The following OTUD4 variants were observed in gnomAD, a reference collection of about 807,000 sequenced individuals.
OTUD4 encodes OTU deubiquitinase 4.
OTUD4 carries 24 observed loss-of-function variants against 130.4 expected under a neutral mutation model. The observed-to-expected ratio is 0.18, with a 90% CI of 0.13 to 0.26. The LOEUF is 0.26. Ranked by LOEUF, OTUD4 falls within the 10% of genes least tolerant of loss-of-function variation. The pLI is 1.00. For missense variants in OTUD4, 1,031 were observed against 1,329.4 expected (o/e 0.78, Z 3.49); for synonymous variants, 420 against 472.5 (o/e 0.89, Z 1.44).
At chr4:145,169,688 T>C (rs1752056081) in intron 3 of OTUD4, among the ~76,000 whole-genome samples, 1 of 152,184 alleles carries the variant, frequency 6.6e-6, no homozygotes, top group African/African-American at 2.4e-5. Context: ...GGTTTCACCA[T>C]CTTGAACTCC....
At chr4:145,166,787 C>CT in intron 3 of OTUD4, among the ~76,000 whole-genome samples, 1 of 152,010 alleles carries the variant, frequency 6.6e-6, no homozygotes, top group East Asian at 1.9e-4. Context: ...TCGAGTAAGC[C>CT]GAGATCGCGC....
rs1352474457 is a variant in OTUD4 at position 145,180,394 on chromosome 4, G to C, written c.-421C>G. On this transcript the variant is annotated 5_prime_UTR_variant, in exon 1 of 21. Transcript: ENST00000447906. ...GCGCGCACGCTGGGCCGGCTCAGGTGAAGCGGGGCCTGCGCCCCCGCGCAC... is the reference window on the plus strand; with the variant it reads ...GCGCGCACGCTGGGCCGGCTCAGGTCAAGCGGGGCCTGCGCCCCCGCGCAC... 1.3e-5 allele frequency among the ~76,000 whole-genome samples: 2 copies of C among 152,190 alleles called. No individual in the cohort carries two copies. The highest frequency in any genetic ancestry group is 4.8e-5 in the African/African-American group (2 of 41,460).
chr4:145,137,779 T>G lies in OTUD4; in HGVS notation c.2996A>C (p.Lys999Thr), dbSNP rs1436011382. 6.2e-7 allele frequency: 1 copy of G among 1,613,966 alleles called. No individual in the cohort carries two copies. Among genetic ancestry groups the G allele is most frequent in the East Asian group, 2.2e-5 (1 of 44,872 alleles). ...KEKTEKVKDP[K>T]TAADVVSPGA... ...AGGGCTGACCACATCAGCAGCAGTC[T>G]TAGGATCTTTTACTTTTTCTGTTTT... Residue 999 changes from lysine to threonine, a missense_variant, in exon 21 of 21, where the codon AAG becomes ACG. Physicochemically the swap from Lys to Thr is moderately conservative, Grantham distance 78 (BLOSUM62 -1). Coordinates refer to ENST00000447906, the MANE Select transcript of OTUD4 (RefSeq NM_001366057.1).
At chr4:145,178,478 G>A (rs1313275191) in intron 1 of OTUD4, 1 of 152,340 alleles carries the variant, frequency 6.6e-6, no homozygotes, top group Non-Finnish European at 1.5e-5. Context: ...GACAGACAGA[G>A]ATTCAGAAAA....
At chr4:145,147,930 A>G (rs1750898396) in intron 13 of OTUD4, among the ~76,000 whole-genome samples, 1 of 152,222 alleles carries the variant, frequency 6.6e-6, no homozygotes, top group South Asian at 2.1e-4. Flanking sequence ...TAAATATTCA[A>G]TAAAGTTTTT....
In OTUD4 at chr4:145,163,703, C is replaced by CTT. The variant is rs11430342; in HGVS notation, c.414+449_414+450dup. Reference sequence around the variant, plus strand: ...TGACTAAGTGACAATTAATAGGAACCTTTTTTTTTTTTTTTTTTTTAAGAC... The same window carrying CTT: ...TGACTAAGTGACAATTAATAGGAACCTTTTTTTTTTTTTTTTTTTTTTAAGAC... On this transcript the variant is annotated intron_variant, in intron 5 of 20. Transcript: ENST00000447906. Among the ~76,000 whole-genome samples the CTT allele has an allele frequency of 8.8e-3, 1,114 of 126,474 alleles. 15 individuals are homozygous for CTT. Among genetic ancestry groups the CTT allele is most frequent in the African/African-American group, 0.029 (978 of 33,584 alleles). 83.0% of individuals were successfully genotyped at this position (126,474 alleles called of 152,430 possible). A position where few individuals can be genotyped will look rare whatever the true frequency, so the allele number is the denominator to read the frequency against.
intron 2 of OTUD4, among the ~76,000 whole-genome samples, 173 bp from the exon 3 acceptor site, chr4:145,171,893 T>G (rs950963868): frequency 6.6e-6 from 1 of 152,194 alleles, no homozygotes; most frequent in Non-Finnish European, 1.5e-5. Context: ...ATAGCAATCA[T>G]TAAAGACTAT....
chr4:145,162,537 G>T (rs1033793599), intron 6 of OTUD4, 103 bp downstream of exon 6: 20 of 578,358 alleles, frequency 3.5e-5, no homozygotes, highest in South Asian at 2.7e-4. Flanking sequence ...GGGAGACAGA[G>T]CGAGACTCCG....
intron 3 of OTUD4, among the ~76,000 whole-genome samples, chr4:145,165,400 T>C (rs954488276): frequency 2.6e-5 from 4 of 151,580 alleles, no homozygotes; most frequent in East Asian, 1.9e-4. Flanking sequence ...CTCCCACACA[T>C]ACACAAAAAA....
rs148315851 is a variant in OTUD4, at chr4:145,165,960, G to A, written c.295-763C>T. ...GCGGATCACCTGAGGTCGGGAGTTC[G>A]AGACCAGTCTGACCAACATGGAGAA... On this transcript the variant is annotated intron_variant, in intron 3 of 20. Transcript: ENST00000447906. 4.1e-3 allele frequency among the ~76,000 whole-genome samples: 617 copies of A among 151,692 alleles called. 8 individuals are homozygous for A. The highest frequency in any genetic ancestry group is 0.014 in the African/African-American group (569 of 41,422).
chr4:145,179,177 T>TA (rs1018803596), intron 1 of OTUD4, among the ~76,000 whole-genome samples: 1 of 152,186 alleles, frequency 6.6e-6, no homozygotes, highest in Non-Finnish European at 1.5e-5. Context: ...CAGGCTTTTT[T>TA]AAAAAAGTCA....
intron 7 of OTUD4, among the ~76,000 whole-genome samples, chr4:145,157,622 T>G (rs548025344): frequency 1.4e-5 from 2 of 141,414 alleles, no homozygotes; most frequent in African/African-American, 5.3e-5. Context: ...AGGCGGAGGT[T>G]GCAGTGAGCC....
At chr4:145,145,664 C>A (rs956934402) in intron 14 of OTUD4, among the ~76,000 whole-genome samples, 1 of 152,160 alleles carries the variant, frequency 6.6e-6, no homozygotes, top group African/African-American at 2.4e-5. Flanking sequence ...GAATTAGGTA[C>A]CCCTCCTCTG....
At chr4:145,154,119 T>C (rs542126518) in intron 10 of OTUD4, among the ~76,000 whole-genome samples, 28 of 152,346 alleles carry the variant, frequency 1.8e-4, no homozygotes, top group African/African-American at 6.7e-4. Flanking sequence ...AACACGACTT[T>C]AGTGATACAG....
At chr4:145,155,327 C>T in intron 10 of OTUD4, 84 bp downstream of exon 10, 1 of 1,008,016 alleles carries the variant, frequency 9.9e-7, no homozygotes, top group Non-Finnish European at 1.5e-6. Context: ...ACAACACATT[C>T]ACACCTCAGC....
intron 20 of OTUD4, among the ~76,000 whole-genome samples, chr4:145,139,702 A>C (rs1345568009): frequency 6.6e-6 from 1 of 152,250 alleles, no homozygotes; most frequent in Non-Finnish European, 1.5e-5. Flanking sequence ...TAGGCTGCCC[A>C]AAGATGCAGC....
intron 14 of OTUD4, among the ~76,000 whole-genome samples, chr4:145,144,917 A>T (rs916781506): frequency 2.6e-5 from 4 of 152,124 alleles, no homozygotes; most frequent in Admixed American, 1.3e-4. Context: ...GAGATAAGGG[A>T]CTGAAATAAG....
chr4:145,148,060 C>G (rs1750902654), intron 13 of OTUD4, among the ~76,000 whole-genome samples: 1 of 152,188 alleles, frequency 6.6e-6, no homozygotes, highest in Non-Finnish European at 1.5e-5. Flanking sequence ...GTCAAAAAAT[C>G]TCTAAAGTTT....
At chr4:145,172,592 G>A (rs1296027643) in intron 2 of OTUD4, among the ~76,000 whole-genome samples, 2 of 152,164 alleles carry the variant, frequency 1.3e-5, no homozygotes, top group East Asian at 1.9e-4. Context: ...ATTCAATTGC[G>A]TTTAAATTAC....
Sources: gnomAD v4.1 joint callset for allele counts (sites outside exome capture counted in the v4.1 genomes callset) on GRCh38, gnomAD v4.1.1 for gene constraint, MANE v1.5 for transcripts, NCBI Gene and HGNC (gene_info 2026-07-23, HGNC 2026-07-21) for gene names.